The following RTL4 variants were observed in gnomAD, a reference collection of about 807,000 sequenced individuals.
The protein encoded by RTL4 is retrotransposon Gag like 4.
In RTL4, 4 loss-of-function variants were observed where a neutral mutation model predicts 5.3. The ratio of observed to expected loss-of-function variants is 0.75; its 90% confidence interval spans 0.37 to 1.72. The LOEUF (loss-of-function observed/expected upper bound fraction) is 1.72. RTL4 is among the 40% of genes most tolerant of loss of function. RTL4 has a pLI of 0.04. For missense variants in RTL4, 260 were observed against 227.1 expected (o/e 1.14, Z -0.93); for synonymous variants, 98 against 87.3 (o/e 1.12, Z -0.68).
At chrX:112,301,734 G>C in the RTL4 span, among the ~76,000 whole-genome samples, 1 of 110,270 alleles carries the variant, frequency 9.1e-6, no homozygotes, top group East Asian at 2.9e-4. Flanking sequence ...AGGCCGAGGT[G>C]GGAGTATCAC....
the RTL4 span, among the ~76,000 whole-genome samples, chrX:112,087,527 G>A: frequency 5.4e-5 from 6 of 110,780 alleles, no homozygotes; most frequent in South Asian, 3.8e-4. Flanking sequence ...ATTTCTCTCC[G>A]GAAAGTTTGT....
At chrX:112,177,456 G>A in the RTL4 span, among the ~76,000 whole-genome samples, 1 of 110,232 alleles carries the variant, frequency 9.1e-6, no homozygotes, top group Non-Finnish European at 1.9e-5. Flanking sequence ...CATATACTTG[G>A]CAATTTATAT....
At chrX:112,362,965 C>T in the RTL4 span, among the ~76,000 whole-genome samples, 2 of 110,951 alleles carry the variant, frequency 1.8e-5, no homozygotes, top group African/African-American at 6.5e-5. Flanking sequence ...CAAGTTTGTA[C>T]GGAAAAAGCA....
At chrX:112,103,223 A>AC in the RTL4 span, among the ~76,000 whole-genome samples, 3 of 112,154 alleles carry the variant, frequency 2.7e-5, no homozygotes, top group Non-Finnish European at 5.7e-5. Flanking sequence ...AAAATGTGTT[A>AC]CATATACTAT....
the RTL4 span, among the ~76,000 whole-genome samples, chrX:112,356,579 G>GGTGT: frequency 0.018 from 1,752 of 99,424 alleles, 41 homozygotes; most frequent in African/African-American, 0.06. Context: ...TTTGTTTTGG[G>GGTGT]GTGTGTGTGT....
the RTL4 span, among the ~76,000 whole-genome samples, chrX:112,275,708 G>A: frequency 1.8e-5 from 2 of 111,449 alleles, no homozygotes; most frequent in Non-Finnish European, 3.8e-5. Flanking sequence ...GGCCAAGGCG[G>A]GCAGATTGCT....
At chrX:112,418,796 T>C in the RTL4 span, among the ~76,000 whole-genome samples, 1 of 109,826 alleles carries the variant, frequency 9.1e-6, no homozygotes, top group Non-Finnish European at 1.9e-5. Context: ...AACCTGTTTA[T>C]GCCTTATTTA....
chrX:112,422,480 T>C, the RTL4 span, among the ~76,000 whole-genome samples: 1 of 88,126 alleles, frequency 1.1e-5, no homozygotes, highest in East Asian at 3.8e-4. Context: ...ACTGTGTCTG[T>C]AGTATTCTGA....
At chrX:112,247,326 T>C in the RTL4 span, among the ~76,000 whole-genome samples, 1 of 111,815 alleles carries the variant, frequency 8.9e-6, no homozygotes, top group East Asian at 2.8e-4. Context: ...CCTAGCCCTA[T>C]GCAACTACAA....
chrX:112,149,761 T>G, the RTL4 span, among the ~76,000 whole-genome samples: 1 of 112,032 alleles, frequency 8.9e-6, no homozygotes, highest in Non-Finnish European at 1.9e-5. Context: ...GTTTCTGCCT[T>G]CATATGGAGT....
chrX:112,143,453 A>G, the RTL4 span, among the ~76,000 whole-genome samples: 5 of 111,390 alleles, frequency 4.5e-5, no homozygotes. Flanking sequence ...CTGGGGATGT[A>G]GATTCAGCAC....
At chrX:112,330,365 A>C in the RTL4 span, among the ~76,000 whole-genome samples, 1 of 79,197 alleles carries the variant, frequency 1.3e-5, no homozygotes, top group Non-Finnish European at 2.2e-5. Context: ...ATACACCAAC[A>C]ACAGACAGAG....
chrX:112,083,261 G>T, the RTL4 span, among the ~76,000 whole-genome samples: 1 of 112,755 alleles, frequency 8.9e-6, no homozygotes, highest in Non-Finnish European at 1.9e-5. Context: ...GGCTAGCAGA[G>T]TCTCTCTTTG....
chrX:112,313,097 C>A, the RTL4 span, among the ~76,000 whole-genome samples: 1 of 110,698 alleles, frequency 9.0e-6, no homozygotes, highest in African/African-American at 3.3e-5. Context: ...AGGTTCAGAG[C>A]AATTTAACTC....
chrX:112,188,927 C>A, the RTL4 span, among the ~76,000 whole-genome samples: 3 of 111,092 alleles, frequency 2.7e-5, no homozygotes, highest in African/African-American at 9.8e-5. Context: ...GGTCACACAG[C>A]CACCTGTTAG....
At chrX:112,329,429 G>A in the RTL4 span, among the ~76,000 whole-genome samples, 117 of 111,129 alleles carry the variant, frequency 1.1e-3, no homozygotes, top group East Asian at 9.1e-3. Flanking sequence ...TAAATTCCTC[G>A]ACACATACAC....
the RTL4 span, among the ~76,000 whole-genome samples, chrX:112,119,374 G>C: frequency 9.0e-6 from 1 of 110,542 alleles, no homozygotes; most frequent in Non-Finnish European, 1.9e-5. Flanking sequence ...AGGGATCATT[G>C]ATGGATTTGT....
At chrX:112,305,407 G>T in the RTL4 span, among the ~76,000 whole-genome samples, 1 of 107,253 alleles carries the variant, frequency 9.3e-6, no homozygotes, top group Non-Finnish European at 1.9e-5. Context: ...CTGTCACCCA[G>T]GCTGGAGTGC....
At chrX:112,382,525 C>T in the RTL4 span, among the ~76,000 whole-genome samples, 1 of 111,980 alleles carries the variant, frequency 8.9e-6, no homozygotes, top group Non-Finnish European at 1.9e-5. Context: ...TAAAGGAAAC[C>T]AACCTAAGGA....
Sources: allele counts gnomAD v4.1 joint callset (sites outside exome capture counted in the v4.1 genomes callset), GRCh38; gene constraint gnomAD v4.1.1; transcripts MANE v1.5; gene names NCBI Gene and HGNC (gene_info 2026-07-23, HGNC 2026-07-21).